NELL1: variants seen among roughly 807,000 people sequenced by gnomAD.
The protein encoded by NELL1 is neural EGFL like 1.
A neutral mutation model predicts 107.4 loss-of-function variants in NELL1; 76 were observed. The ratio of observed to expected loss-of-function variants is 0.71; its 90% confidence interval spans 0.59 to 0.86. The LOEUF (loss-of-function observed/expected upper bound fraction) is 0.86. Ranked by LOEUF, NELL1 falls within the 40% of genes least tolerant of loss-of-function variation. NELL1 has a pLI of 0.00. For synonymous variants in NELL1, 353 were observed against 341.2 expected, an observed-to-expected ratio of 1.03 and a Z score of -0.38; for missense variants, 1,024 against 1,005.5, an observed-to-expected ratio of 1.02 and a Z score of -0.25.
intron 1 of NELL1, among the ~76,000 whole-genome samples, chr11:20,671,733 T>G (rs1853914456): frequency 6.6e-6 from 1 of 151,780 alleles, no homozygotes; most frequent in African/African-American, 2.4e-5. Flanking sequence ...GCTGGGAATC[T>G]AGATAGAAAC....
chr11:20,928,544 G>A, intron 9 of NELL1, 65 bp downstream of exon 9: 2 of 1,307,412 alleles, frequency 1.5e-6, no homozygotes, highest in Non-Finnish European at 2.2e-6. Context: ...TATTTTCCCT[G>A]TTTTTCTGGA....
At chr11:21,297,828 T>G (rs1488057375) in intron 14 of NELL1, among the ~76,000 whole-genome samples, 1 of 151,818 alleles carries the variant, frequency 6.6e-6, no homozygotes, top group Non-Finnish European at 1.5e-5. Flanking sequence ...AGGGAAATCA[T>G]AGTAACCTCT....
At chr11:20,706,334 A>G (rs1328237053) in intron 2 of NELL1, among the ~76,000 whole-genome samples, 4 of 152,296 alleles carry the variant, frequency 2.6e-5, no homozygotes, top group African/African-American at 9.6e-5. Context: ...AATACTATGC[A>G]GCCATAAAAA....
chr11:20,857,323 T>G (rs1426753278), intron 4 of NELL1, among the ~76,000 whole-genome samples: 1 of 152,112 alleles, frequency 6.6e-6, no homozygotes, highest in Admixed American at 6.6e-5. Context: ...CGAGTGTTCT[T>G]TCAGCCATTC....
intron 15 of NELL1, among the ~76,000 whole-genome samples, chr11:21,465,932 G>T (rs968545578): frequency 6.6e-6 from 1 of 152,044 alleles, no homozygotes; most frequent in African/African-American, 2.4e-5. Flanking sequence ...CTGTGCAATT[G>T]ACCTTGCCTT....
chr11:20,681,923 T>C (rs575598213), intron 2 of NELL1, among the ~76,000 whole-genome samples: 1 of 152,214 alleles, frequency 6.6e-6, no homozygotes, highest in East Asian at 1.9e-4. Flanking sequence ...TTATCTTCTC[T>C]GATATTGACC....
chr11:20,678,170 T>C, intron 2 of NELL1, 110 bp downstream of exon 2: 1 of 1,268,912 alleles, frequency 7.9e-7, no homozygotes, highest in Non-Finnish European at 1.1e-6. Flanking sequence ...CTATTTCTCT[T>C]GTGTTGCTGT....
chr11:20,774,795 G>A (rs1404229167), intron 2 of NELL1, among the ~76,000 whole-genome samples: 1 of 152,180 alleles, frequency 6.6e-6, no homozygotes, highest in Non-Finnish European at 1.5e-5. Flanking sequence ...AGCATCTCTT[G>A]CTGGAACTGA....
chr11:21,572,674 G>C (rs1857128069), intron 18 of NELL1, among the ~76,000 whole-genome samples: 1 of 151,778 alleles, frequency 6.6e-6, no homozygotes. Context: ...TTCTGAAATG[G>C]TTATCTTGAC....
At chr11:20,730,151 A>C (rs577901517) in intron 2 of NELL1, among the ~76,000 whole-genome samples, 81 of 152,208 alleles carry the variant, frequency 5.3e-4, no homozygotes, top group Non-Finnish European at 1.5e-4. Flanking sequence ...GGCAGATCCA[A>C]GTTTGATTCC....
intron 15 of NELL1, among the ~76,000 whole-genome samples, chr11:21,472,817 G>GCCTTC (rs576692570): frequency 1.3e-4 from 19 of 151,362 alleles, no homozygotes; most frequent in African/African-American, 4.1e-4. Context: ...CCCTCCCCTT[G>GCCTTC]CCTTCCCTTC....
chr11:21,459,579 A>T (rs1173206597), intron 15 of NELL1, among the ~76,000 whole-genome samples: 1 of 148,056 alleles, frequency 6.8e-6, no homozygotes, highest in South Asian at 2.1e-4. Context: ...CCTGGAAGAG[A>T]TTGAGGACTT....
chr11:21,161,274 A>T (rs1171708995), intron 13 of NELL1, among the ~76,000 whole-genome samples: 1 of 152,170 alleles, frequency 6.6e-6, no homozygotes, highest in Non-Finnish European at 1.5e-5. Flanking sequence ...ATGGTGGCTC[A>T]TGTCCATAAT....
chr11:20,844,373 CT>C, intron 3 of NELL1, among the ~76,000 whole-genome samples: 1 of 152,282 alleles, frequency 6.6e-6, no homozygotes, highest in South Asian at 2.1e-4. Context: ...GATGAGCAGA[CT>C]TTTCTGGGAG....
At chr11:21,002,287 A>G (rs546163495) in intron 12 of NELL1, among the ~76,000 whole-genome samples, 1 of 152,326 alleles carries the variant, frequency 6.6e-6, no homozygotes, top group Admixed American at 6.5e-5. Flanking sequence ...GCAAGAATAT[A>G]TTATAACAGT....
intron 12 of NELL1, among the ~76,000 whole-genome samples, chr11:21,018,183 G>C (rs542915604): frequency 6.6e-6 from 1 of 152,194 alleles, no homozygotes; most frequent in Admixed American, 6.5e-5. Flanking sequence ...CAGGATGTTT[G>C]GGAAGAGAAT....
intron 10 of NELL1, among the ~76,000 whole-genome samples, chr11:20,938,066 C>A (rs968556813): frequency 6.6e-6 from 1 of 152,064 alleles, no homozygotes; most frequent in African/African-American, 2.4e-5. Flanking sequence ...GATCAGGTAG[C>A]CTTGGAAGAA....
At chr11:20,836,032 G>T (rs1182845197) in intron 3 of NELL1, among the ~76,000 whole-genome samples, 2 of 152,042 alleles carry the variant, frequency 1.3e-5, no homozygotes, top group Non-Finnish European at 2.9e-5. Flanking sequence ...ACACACATTT[G>T]AGGAAGGATT....
At chr11:20,728,490 A>T (rs1263625853) in intron 2 of NELL1, among the ~76,000 whole-genome samples, 1 of 152,090 alleles carries the variant, frequency 6.6e-6, no homozygotes. Flanking sequence ...TTTTGTAAAT[A>T]GTGAAAGGTA....
Sources: allele counts gnomAD v4.1 joint callset (sites outside exome capture counted in the v4.1 genomes callset), GRCh38; gene constraint gnomAD v4.1.1; transcripts MANE v1.5; gene names NCBI Gene and HGNC (gene_info 2026-07-23, HGNC 2026-07-21).